RPS6KA2: variants seen among roughly 807,000 people sequenced by gnomAD.
The protein encoded by RPS6KA2 is ribosomal protein S6 kinase alpha-2.
In RPS6KA2, 42 loss-of-function variants were observed where a neutral mutation model predicts 91.8. The ratio of observed to expected loss-of-function variants is 0.46; its 90% CI spans 0.36 to 0.59. The LOEUF (loss-of-function observed/expected upper bound fraction) is 0.59. RPS6KA2 is among the 20% of genes least tolerant of loss of function. The probability of loss-of-function intolerance (pLI) is 0.00; values close to 1 mark genes in which losing one functional copy is unlikely to be tolerated. For missense variants in RPS6KA2, 798 were observed against 978.5 expected, an observed-to-expected ratio of 0.82 and a Z score of 2.46; for synonymous variants, 414 against 393.6, an observed-to-expected ratio of 1.05 and a Z score of -0.61.
At chr6:166,543,192 C>G (rs6456091) in intron 1 of RPS6KA2, among the ~76,000 whole-genome samples, 59,913 of 151,922 alleles carry the variant, frequency 0.39, 12,097 homozygotes, top group South Asian at 0.56. Context: ...ATCATATAAA[C>G]GCTTAATGAC....
chr6:166,527,551 C>G (rs1783102162), intron 3 of RPS6KA2, among the ~76,000 whole-genome samples: 1 of 152,186 alleles, frequency 6.6e-6, no homozygotes, highest in Non-Finnish European at 1.5e-5. Flanking sequence ...TTAAGAATAA[C>G]AGCTTTTTGG....
intron 2 of RPS6KA2, among the ~76,000 whole-genome samples, chr6:166,693,703 T>C (rs1335753368): frequency 2.0e-5 from 3 of 152,258 alleles, no homozygotes; most frequent in Non-Finnish European, 4.4e-5. Context: ...GAATACAGTG[T>C]GCCACCAATT....
intron 14 of RPS6KA2, among the ~76,000 whole-genome samples, chr6:166,444,477 A>G (rs1212172259): frequency 6.6e-6 from 1 of 152,216 alleles, no homozygotes; most frequent in East Asian, 1.9e-4. Flanking sequence ...GTTATTAGAA[A>G]GTAGGGCACA....
At chr6:166,497,695 A>T (rs1221578653) in intron 8 of RPS6KA2, among the ~76,000 whole-genome samples, 1 of 152,152 alleles carries the variant, frequency 6.6e-6, no homozygotes, top group Non-Finnish European at 1.5e-5. Flanking sequence ...GGGGACGAGG[A>T]GTAGGGTGTG....
chr6:166,513,102 C>T (rs1782526846), intron 3 of RPS6KA2, among the ~76,000 whole-genome samples: 1 of 152,170 alleles, frequency 6.6e-6, no homozygotes, highest in East Asian at 1.9e-4. Context: ...CACAAAAAAT[C>T]TCATAATCGT....
chr6:166,587,264 A>C (rs1785207422), intron 1 of RPS6KA2, among the ~76,000 whole-genome samples: 1 of 152,212 alleles, frequency 6.6e-6, no homozygotes, highest in Admixed American at 6.5e-5. Context: ...GCTTGGTTGG[A>C]CACTGGCATG....
At position 166,459,410 on chromosome 6, in the gene RPS6KA2, G is replaced by T; in HGVS notation, c.1075+39C>A. On this transcript the variant is annotated intron_variant, in intron 12 of 20. Transcript: ENST00000265678. This position sits in a 1 kb window ranked among gnomAD's most constrained non-coding sequence, Gnocchi z 4.9. ...ATATCTGTCTCTAAGGGGTCAGGTG[G>T]GAGAAGCCACCGATAGAGGGAACCA... 1 of 1,350,298 alleles carries T rather than the reference G, an allele frequency of 7.4e-7. No individual in the cohort carries two copies. The highest frequency in any genetic ancestry group is 1.7e-5 in the Admixed American group (1 of 57,820). The allele number at this position is 1,350,298 out of a possible 1,614,324, so 83.6% of individuals were successfully genotyped here. A position where few individuals can be genotyped will look rare whatever the true frequency, so the allele number is the denominator to read the frequency against.
chr6:166,461,234 C>T (rs1017325368), intron 11 of RPS6KA2, among the ~76,000 whole-genome samples: 14 of 152,236 alleles, frequency 9.2e-5, no homozygotes, highest in Non-Finnish European at 1.6e-4. Context: ...TCATTAGCAC[C>T]GAGTTACTCT....
intron 2 of RPS6KA2, among the ~76,000 whole-genome samples, chr6:166,739,811 G>A (rs543668174): frequency 3.9e-5 from 6 of 152,302 alleles, no homozygotes; most frequent in East Asian, 3.9e-4. Flanking sequence ...GCTTGGCTCC[G>A]TGCAGCTTCC....
chr6:166,824,671 G>A (rs1051951591), intron 2 of RPS6KA2, among the ~76,000 whole-genome samples: 1 of 150,746 alleles, frequency 6.6e-6, no homozygotes, highest in Admixed American at 6.6e-5. Context: ...GTCTATGTGT[G>A]TGTCTGTGTG....
intron 1 of RPS6KA2, among the ~76,000 whole-genome samples, chr6:166,571,317 G>C (rs966533688): frequency 2.6e-5 from 4 of 152,200 alleles, no homozygotes; most frequent in African/African-American, 9.7e-5. Context: ...ACACAACACA[G>C]AGAACTAGAA....
At chr6:166,836,769 T>G (rs2128628296) in intron 2 of RPS6KA2, among the ~76,000 whole-genome samples, 1 of 152,320 alleles carries the variant, frequency 6.6e-6, no homozygotes, top group East Asian at 1.9e-4. Context: ...TTGGTATGTG[T>G]CTTCGAATTG....
At chr6:166,862,327 C>G (rs2128635611) in exon 1 of RPS6KA2, 2 of 1,493,474 alleles carry the variant, frequency 1.3e-6, no homozygotes, top group Admixed American at 4.3e-5. Context: ...GATCCGGCTC[C>G]CAGAGGAGGT....
At chr6:166,687,109 C>G (rs934178563) in intron 2 of RPS6KA2, among the ~76,000 whole-genome samples, 1 of 152,184 alleles carries the variant, frequency 6.6e-6, no homozygotes, top group African/African-American at 2.4e-5. Context: ...GAGATCCAGA[C>G]ACAGACAGCA....
At chr6:166,527,561 G>A (rs1333337096) in intron 3 of RPS6KA2, among the ~76,000 whole-genome samples, 1 of 152,198 alleles carries the variant, frequency 6.6e-6, no homozygotes, top group African/African-American at 2.4e-5. Context: ...CAGCTTTTTG[G>A]AGATATAATT....
At chr6:166,831,883 TGATA>T (rs1226909707) in intron 2 of RPS6KA2, among the ~76,000 whole-genome samples, 2 of 126,050 alleles carry the variant, frequency 1.6e-5, no homozygotes, top group African/African-American at 2.8e-5. Context: ...GATAGACAGA[TGATA>T]GATGGATAGA....
chr6:166,831,449 C>A (rs9459766), intron 2 of RPS6KA2, among the ~76,000 whole-genome samples: 1 of 151,890 alleles, frequency 6.6e-6, no homozygotes, highest in African/African-American at 2.4e-5. Flanking sequence ...ATGACACCTT[C>A]CCCCCTGCCC....
intron 2 of RPS6KA2, among the ~76,000 whole-genome samples, chr6:166,857,256 C>G (rs1246777121): frequency 6.6e-6 from 1 of 152,194 alleles, no homozygotes; most frequent in Non-Finnish European, 1.5e-5. Context: ...TTTTAAAAGT[C>G]AACAGAGTTG....
At chr6:166,455,554 T>C (rs1197353102) in intron 12 of RPS6KA2, among the ~76,000 whole-genome samples, 1 of 152,214 alleles carries the variant, frequency 6.6e-6, no homozygotes, top group African/African-American at 2.4e-5. Flanking sequence ...CAGAGTCGGC[T>C]GTGTTTGGAA....
Sources: gnomAD v4.1 joint callset for allele counts (sites outside exome capture counted in the v4.1 genomes callset) on GRCh38, gnomAD v4.1.1 for gene constraint, Gnocchi (gnomAD v3.1) non-coding constraint, MANE v1.5 for transcripts, NCBI Gene and HGNC (gene_info 2026-07-23, HGNC 2026-07-21) for gene names.